MYO1H: variants seen among roughly 807,000 people sequenced by gnomAD.
MYO1H encodes myosin IH.
In MYO1H, 118 loss-of-function variants were observed where a neutral mutation model predicts 149.3. The observed-to-expected ratio is 0.79, with a 90% confidence interval of 0.68 to 0.92. The LOEUF (loss-of-function observed/expected upper bound fraction) is 0.92, where lower values mean the gene tolerates loss of function less well. MYO1H is among the 40% of genes least tolerant of loss of function. The pLI is 0.00. For synonymous variants in MYO1H, 447 were observed against 465.2 expected (o/e 0.96, Z 0.50); for missense variants, 1,212 against 1,280.7 (o/e 0.95, Z 0.82).
At chr12:109,397,691 GGTGA>G (rs1307746801) in intron 4 of MYO1H, 37 bp from the exon 5 acceptor site, 2 of 1,531,548 alleles carry the variant, frequency 1.3e-6, no homozygotes, top group Non-Finnish European at 1.8e-6. Flanking sequence ...TGATACGCAT[GGTGA>G]GCTTAAATGA....
chr12:109,398,556 G>C (rs1870013436), intron 5 of MYO1H, among the ~76,000 whole-genome samples: 1 of 151,858 alleles, frequency 6.6e-6, no homozygotes, highest in Non-Finnish European at 1.5e-5. Context: ...GACCAGCCTG[G>C]TCAACATTGT....
chr12:109,311,647 C>G, the MYO1H span, among the ~76,000 whole-genome samples: 1 of 152,114 alleles, frequency 6.6e-6, no homozygotes, highest in Non-Finnish European at 1.5e-5. Context: ...CGGCCAATAC[C>G]CACCTTTTTT....
chr12:109,410,905 G>T, intron 13 of MYO1H, 137 bp downstream of exon 13: 1 of 627,280 alleles, frequency 1.6e-6, no homozygotes. Context: ...ACTTTGGGAG[G>T]CCGAGGTGGG....
chr12:109,426,024 A>G, exon 18 of MYO1H: 1 of 1,613,772 alleles, frequency 6.2e-7, no homozygotes, highest in East Asian at 2.2e-5. Flanking sequence ...CATCCGTTGC[A>G]TCAAGCCCAA....
intron 1 of MYO1H, among the ~76,000 whole-genome samples, chr12:109,349,625 A>C (rs1366965143): frequency 6.9e-6 from 1 of 145,708 alleles, no homozygotes; most frequent in Non-Finnish European, 1.5e-5. Context: ...CATGCCATGC[A>C]CTCAGCCTGG....
chr12:109,375,569 ACT>A (rs1351847498), intron 1 of MYO1H, among the ~76,000 whole-genome samples: 6 of 152,020 alleles, frequency 3.9e-5, no homozygotes, highest in African/African-American at 1.5e-4. Flanking sequence ...AGCTTCCCCA[ACT>A]CTATAGCTTT....
At chr12:109,338,829 C>A in the MYO1H span, among the ~76,000 whole-genome samples, 2 of 151,532 alleles carry the variant, frequency 1.3e-5, no homozygotes, top group South Asian at 2.1e-4. Context: ...CTGCTTCACA[C>A]CCATCTTGTT....
At chr12:109,385,477 G>A (rs1869286024) in intron 1 of MYO1H, among the ~76,000 whole-genome samples, 1 of 151,978 alleles carries the variant, frequency 6.6e-6, no homozygotes, top group Non-Finnish European at 1.5e-5. Flanking sequence ...ATTTTTAGTA[G>A]AGACAGAGTT....
chr12:109,365,701 A>G (rs562986803), intron 1 of MYO1H, among the ~76,000 whole-genome samples: 1 of 152,352 alleles, frequency 6.6e-6, no homozygotes, highest in South Asian at 2.1e-4. Flanking sequence ...TGAGGATTAA[A>G]TAAGATGATG....
At chr12:109,415,718 C>A (rs1870874563) in intron 15 of MYO1H, 98 bp downstream of exon 15, 1 of 728,830 alleles carries the variant, frequency 1.4e-6, no homozygotes, top group East Asian at 3.1e-5. Context: ...GCACAGCCAT[C>A]CCAAACGTTC....
At chr12:109,447,042 C>T in intron 31 of MYO1H, 117 bp from the exon 32 acceptor site, 1 of 1,029,028 alleles carries the variant, frequency 9.7e-7, no homozygotes, top group Admixed American at 2.0e-5. Context: ...GTGGCACTGG[C>T]TTCTCACAGG....
chr12:109,322,631 C>G, the MYO1H span, among the ~76,000 whole-genome samples: 1 of 151,592 alleles, frequency 6.6e-6, no homozygotes, highest in Non-Finnish European at 1.5e-5. Flanking sequence ...ACCAGCCTGA[C>G]CAATATGGTG....
chr12:109,388,647 T>C (rs1336240894), intron 1 of MYO1H, 36 bp from the exon 2 acceptor site: 11 of 1,507,414 alleles, frequency 7.3e-6, no homozygotes, highest in Non-Finnish European at 9.8e-6. Context: ...TATTACCAAA[T>C]AGATGAGCTG....
upstream of MYO1H, among the ~76,000 whole-genome samples, chr12:109,345,599 C>G (rs1005640195): frequency 6.6e-6 from 1 of 152,126 alleles, no homozygotes; most frequent in Admixed American, 6.5e-5. Context: ...CCAGCAATTC[C>G]ACTCCTAGGT....
At chr12:109,412,948 G>C (rs902916135) in intron 14 of MYO1H, among the ~76,000 whole-genome samples, 2 of 131,622 alleles carry the variant, frequency 1.5e-5, no homozygotes, top group African/African-American at 6.8e-5. Flanking sequence ...ACTACGCCCG[G>C]CTAATTTGTT....
At chr12:109,364,313 G>C (rs1868821056) in intron 1 of MYO1H, among the ~76,000 whole-genome samples, 1 of 151,538 alleles carries the variant, frequency 6.6e-6, no homozygotes, top group Non-Finnish European at 1.5e-5. Flanking sequence ...AATAATCATA[G>C]TGTCCATATA....
intron 1 of MYO1H, chr12:109,354,153 A>G (rs1359652807): frequency 6.6e-6 from 1 of 152,234 alleles, no homozygotes; most frequent in African/African-American, 2.4e-5. Context: ...ATCACAAATC[A>G]TTCAGTGCAA....
At chr12:109,396,538 C>A in exon 4 of MYO1H, 1 of 1,613,824 alleles carries the variant, frequency 6.2e-7, no homozygotes, top group South Asian at 1.1e-5. Context: ...CCAGTCACTA[C>A]AAATAGCCCG....
chr12:109,445,608 C>T (rs1872446130), exon 31 of MYO1H: 1 of 1,611,254 alleles, frequency 6.2e-7, no homozygotes. Context: ...GGACAATTAA[C>T]AGTGGTGAGT....
Sources: gnomAD v4.1 joint callset for allele counts (sites outside exome capture counted in the v4.1 genomes callset) on GRCh38, gnomAD v4.1.1 for gene constraint, MANE v1.5 for transcripts, NCBI Gene and HGNC (gene_info 2026-07-23, HGNC 2026-07-21) for gene names.